Variants in CDK5RAP2 observed in about 807,000 individuals in gnomAD.
CDK5RAP2 encodes the protein CDK5 regulatory subunit-associated protein 2.
Under a neutral mutation model 232.9 loss-of-function variants are expected in CDK5RAP2, and 147 were observed. The ratio of observed to expected loss-of-function variants is 0.63; its 90% CI spans 0.55 to 0.72. CDK5RAP2 has a LOEUF of 0.72. Among genes scored for constraint, CDK5RAP2 ranks in the 30% least tolerant of loss-of-function variants. The pLI, the probability that CDK5RAP2 is intolerant of heterozygous loss-of-function variation, is 0.00. For missense variants in CDK5RAP2, 2,195 were observed against 2,231.5 expected (o/e 0.98, Z 0.33); for synonymous variants, 833 against 833.7 (o/e 1.00, Z 0.01).
chr9:120,563,971 C>G (rs780421940), intron 3 of CDK5RAP2, among the ~76,000 whole-genome samples: 11 of 152,142 alleles, frequency 7.2e-5, no homozygotes, highest in Non-Finnish European at 1.5e-4. Context: ...ATAAGAACAA[C>G]AAAAGATAAG....
intron 11 of CDK5RAP2, among the ~76,000 whole-genome samples, chr9:120,522,129 A>G: frequency 6.6e-6 from 1 of 152,228 alleles, no homozygotes; most frequent in East Asian, 1.9e-4. Flanking sequence ...AAAAAGATTG[A>G]GCAGCACAGA....
intron 22 of CDK5RAP2, 91 bp from the exon 23 acceptor site, chr9:120,443,833 A>C (rs2036037357): frequency 6.4e-7 from 1 of 1,563,278 alleles, no homozygotes; most frequent in Non-Finnish European, 8.7e-7. Flanking sequence ...AAGATACAAC[A>C]GGGAAAATAA....
rs146093092 is a variant in CDK5RAP2 at position 120,421,547 on chromosome 9, C to A, written c.4004+1146G>T. ...AAAATCTACAAGTCTGCACCCTAGACTGGTCTCTATTTTATTCCCAGAAGC... is the reference window on the plus strand; with the variant it reads ...AAAATCTACAAGTCTGCACCCTAGAATGGTCTCTATTTTATTCCCAGAAGC... On this transcript the variant is annotated intron_variant, in intron 26 of 37. Transcript: ENST00000349780. Among the ~76,000 whole-genome samples, 576 of 152,334 alleles carry A rather than the reference C, an allele frequency of 3.8e-3. 4 individuals carry two copies. Among genetic ancestry groups the A allele is most frequent in the African/African-American group, 0.013 (545 of 41,570 alleles).
At chr9:120,545,661 T>C in intron 5 of CDK5RAP2, 53 bp downstream of exon 5, 6 of 1,356,956 alleles carry the variant, frequency 4.4e-6, no homozygotes, top group Non-Finnish European at 5.3e-6. Flanking sequence ...TCTATTTCAC[T>C]GACCAACCCA....
chr9:120,427,351 T>C (rs964733644), intron 25 of CDK5RAP2, among the ~76,000 whole-genome samples: 3 of 152,218 alleles, frequency 2.0e-5, no homozygotes, highest in African/African-American at 7.2e-5. Context: ...ATGCAGCCCA[T>C]GGGCCACGGA....
chr9:120,420,044 C>A, intron 26 of CDK5RAP2, 84 bp from the exon 27 acceptor site: 1 of 1,112,460 alleles, frequency 9.0e-7, no homozygotes, highest in Admixed American at 1.7e-5. Flanking sequence ...CTTACGATTA[C>A]TTTACTCTTA....
At chr9:120,509,948 TAC>T (rs145999949) in intron 12 of CDK5RAP2, among the ~76,000 whole-genome samples, 16 of 150,480 alleles carry the variant, frequency 1.1e-4, no homozygotes, top group East Asian at 1.9e-4. Context: ...TCACACCTAA[TAC>T]ACACACACAC....
At chr9:120,500,922 G>A (rs1174819070) in intron 12 of CDK5RAP2, among the ~76,000 whole-genome samples, 1 of 152,162 alleles carries the variant, frequency 6.6e-6, no homozygotes, top group Non-Finnish European at 1.5e-5. Flanking sequence ...AACGGGTACT[G>A]AGTGGAGTAA....
In CDK5RAP2 at chr9:120,485,197, A is replaced by G. The variant is rs547759576; in HGVS notation, c.1626+2097T>C. Among the ~76,000 whole-genome samples the G allele has an allele frequency of 2.6e-5, 4 of 152,326 alleles. No homozygotes were observed. In the East Asian group the frequency reaches 7.7e-4, roughly 29 times the overall value. On this transcript the variant is annotated intron_variant, in intron 14 of 37. Coordinates refer to ENST00000349780, the MANE Select transcript of CDK5RAP2 (RefSeq NM_018249.6). ...TCATGTGAAGTACATCACCCAGCAC[A>G]AAAAAACTAAAAACAAAATGATAAA...
chr9:120,524,350 C>G (rs1354605360), intron 11 of CDK5RAP2, among the ~76,000 whole-genome samples: 1 of 152,170 alleles, frequency 6.6e-6, no homozygotes, highest in Non-Finnish European at 1.5e-5. Flanking sequence ...CTCAAAACCT[C>G]ACAAATACGG....
At chr9:120,421,050 A>T (rs1246449445) in intron 26 of CDK5RAP2, among the ~76,000 whole-genome samples, 1 of 152,216 alleles carries the variant, frequency 6.6e-6, no homozygotes, top group Non-Finnish European at 1.5e-5. Context: ...AAATGTGATC[A>T]TGTCTAGTCC....
rs1376441195 is a variant in CDK5RAP2, at chr9:120,493,416, G to GGTGAT, written c.1312-1944_1312-1940dup. Among the ~76,000 whole-genome samples, 4 of 152,256 alleles carry GGTGAT rather than the reference G, an allele frequency of 2.6e-5. No individual in the cohort carries two copies. The East Asian group carries it at 5.8e-4, about 22-fold the overall frequency. ...AGCTGCACCTCAGGGTAACTAAATA[G>GGTGAT]GTGATGAAAAACCAAGTTTCTCTTT... On this transcript the variant is annotated intron_variant, in intron 12 of 37. Coordinates refer to ENST00000349780, the MANE Select transcript of CDK5RAP2 (RefSeq NM_018249.6).
At chr9:120,513,095 G>A (rs749171780) in intron 12 of CDK5RAP2, among the ~76,000 whole-genome samples, 1 of 152,156 alleles carries the variant, frequency 6.6e-6, no homozygotes, top group Non-Finnish European at 1.5e-5. Flanking sequence ...TAGAGTCCTC[G>A]TGGATGAAGC....
At chr9:120,511,538 C>G (rs369694362) in intron 12 of CDK5RAP2, among the ~76,000 whole-genome samples, 1 of 152,122 alleles carries the variant, frequency 6.6e-6, no homozygotes, top group Non-Finnish European at 1.5e-5. Context: ...GCTCAAAGTA[C>G]TCTTTATAAA....
At chr9:120,487,867 C>T (rs982391330) in intron 13 of CDK5RAP2, among the ~76,000 whole-genome samples, 2 of 152,190 alleles carry the variant, frequency 1.3e-5, no homozygotes, top group African/African-American at 4.8e-5. Flanking sequence ...CCAACGAAGT[C>T]TTAGTCTCTC....
intron 35 of CDK5RAP2, among the ~76,000 whole-genome samples, chr9:120,399,109 A>G (rs907519966): frequency 5.3e-5 from 8 of 152,228 alleles, no homozygotes; most frequent in African/African-American, 1.9e-4. Flanking sequence ...CAATTACTCA[A>G]GAAACCTTTG....
At chr9:120,505,408 G>A (rs1381991436) in intron 12 of CDK5RAP2, among the ~76,000 whole-genome samples, 1 of 151,982 alleles carries the variant, frequency 6.6e-6, no homozygotes, top group African/African-American at 2.4e-5. Flanking sequence ...CTCTCCTCAT[G>A]CCTCCCTATG....
Position 120,491,341 on chromosome 9 carries a change from G to A in CDK5RAP2, c.1448C>T (p.Thr483Ile), listed in dbSNP as rs2038895024. 6.2e-7 allele frequency: 1 copy of A among 1,613,598 alleles called. No individual in the cohort carries two copies. The highest frequency in any genetic ancestry group is 1.3e-5 in the African/African-American group (1 of 75,026). Residue 483 changes from threonine to isoleucine, a missense_variant, in exon 13 of 38, where the codon ACA becomes ATA. Coordinates refer to ENST00000349780, the MANE Select transcript of CDK5RAP2 (RefSeq NM_018249.6). ...CACGTCCTTCTGATTGGTACTTTCT[G>A]TTAGATGTTTGATCACTTGCTCTTG... is the stretch of plus-strand genomic sequence containing the variant. The part of the protein sequence containing the change: ...HNQEQVIKHL[T>I]ESTNQKDVLL...
chr9:120,549,176 AC>A (rs2041962705), intron 4 of CDK5RAP2, among the ~76,000 whole-genome samples: 1 of 148,844 alleles, frequency 6.7e-6, no homozygotes, highest in Admixed American at 6.7e-5. Flanking sequence ...AAAAAAAGAG[AC>A]AGAAAGATAT....
Sources: allele counts gnomAD v4.1 joint callset (sites outside exome capture counted in the v4.1 genomes callset), GRCh38; gene constraint gnomAD v4.1.1; transcripts MANE v1.5; gene names NCBI Gene and HGNC (gene_info 2026-07-23, HGNC 2026-07-21).